Variants in MAGI1 observed in about 807,000 individuals in gnomAD.
The protein encoded by MAGI1 is membrane associated guanylate kinase, WW and PDZ domain containing 1.
Under a neutral mutation model 139.9 loss-of-function variants are expected in MAGI1, and 58 were observed. The observed-to-expected ratio is 0.41, with a 90% confidence interval of 0.34 to 0.52. The LOEUF is 0.52. MAGI1 is among the 20% of genes least tolerant of loss of function. The pLI is 0.12. For synonymous variants in MAGI1, 812 were observed against 737.9 expected (o/e 1.10, Z -1.63); for missense variants, 1,874 against 1,901.6 (o/e 0.99, Z 0.27).
intron 1 of MAGI1, among the ~76,000 whole-genome samples, chr3:65,716,258 C>T (rs932848853): frequency 6.6e-6 from 1 of 152,192 alleles, no homozygotes; most frequent in Non-Finnish European, 1.5e-5. Context: ...GTGTATGCTA[C>T]AGGCCAGCTG....
intron 1 of MAGI1, chr3:65,687,412 T>C (rs2088148842): frequency 5.6e-6 from 2 of 357,872 alleles, no homozygotes; most frequent in Admixed American, 3.4e-5. Context: ...TCTATTTGTG[T>C]GAAATGGCCC....
chr3:65,530,805 A>C (rs2078664618), intron 2 of MAGI1, among the ~76,000 whole-genome samples: 1 of 47,480 alleles, frequency 2.1e-5, no homozygotes, highest in Non-Finnish European at 4.2e-5. Flanking sequence ...ATATATATAT[A>C]CACACATATA....
At chr3:65,468,344 G>C (rs13092151) in intron 5 of MAGI1, among the ~76,000 whole-genome samples, 34,143 of 147,732 alleles carry the variant, frequency 0.23, 4,110 homozygotes, top group Middle Eastern at 0.28. Context: ...ACTCTTCCCG[G>C]GTAGATTCTC....
At chr3:65,796,950 T>A (rs564345456) in intron 1 of MAGI1, among the ~76,000 whole-genome samples, 2 of 152,224 alleles carry the variant, frequency 1.3e-5, no homozygotes, top group Non-Finnish European at 2.9e-5. Context: ...AAATTTCAGG[T>A]ACTTTTCATT....
chr3:65,679,992 T>G (rs976752670), intron 1 of MAGI1, among the ~76,000 whole-genome samples: 9 of 152,212 alleles, frequency 5.9e-5, no homozygotes, highest in Admixed American at 6.5e-5. Flanking sequence ...TTAAGTGGGA[T>G]GAAGGCATAC....
chr3:66,028,273 A>T (rs2068403510), intron 1 of MAGI1, among the ~76,000 whole-genome samples: 1 of 152,210 alleles, frequency 6.6e-6, no homozygotes, highest in South Asian at 2.1e-4. Context: ...AGAAAAGATC[A>T]CAGCTGCTTG....
intron 1 of MAGI1, among the ~76,000 whole-genome samples, chr3:65,623,747 C>G (rs1375549791): frequency 6.6e-6 from 1 of 152,132 alleles, no homozygotes; most frequent in African/African-American, 2.4e-5. Context: ...TTTAATATCA[C>G]ATTCAATATA....
chr3:65,427,404 C>A (rs75457211), intron 12 of MAGI1, among the ~76,000 whole-genome samples: 1,736 of 152,268 alleles, frequency 0.011, 26 homozygotes, highest in African/African-American at 0.035. Context: ...GGTTCTAATA[C>A]ATGTGTAAGT....
intron 1 of MAGI1, among the ~76,000 whole-genome samples, chr3:65,755,856 C>A (rs1160905073): frequency 1.3e-5 from 2 of 152,190 alleles, no homozygotes; most frequent in Non-Finnish European, 2.9e-5. Flanking sequence ...TGTTACCCTG[C>A]AGGCAACCTT....
At chr3:65,623,414 C>T (rs929866522) in intron 1 of MAGI1, among the ~76,000 whole-genome samples, 3 of 152,120 alleles carry the variant, frequency 2.0e-5, no homozygotes, top group Admixed American at 6.5e-5. Flanking sequence ...AAATCATAAT[C>T]ACAAATTACA....
chr3:65,939,467 A>T (rs541000696), intron 1 of MAGI1, among the ~76,000 whole-genome samples: 2 of 152,356 alleles, frequency 1.3e-5, no homozygotes, highest in African/African-American at 4.8e-5. Flanking sequence ...ATCTTAAATT[A>T]CTCATAAACA....
intron 1 of MAGI1, among the ~76,000 whole-genome samples, chr3:65,625,764 C>T (rs2083938317): frequency 1.3e-5 from 2 of 152,112 alleles, no homozygotes; most frequent in East Asian, 3.9e-4. Flanking sequence ...ATTCTATTGG[C>T]TTAGAAATAG....
intron 1 of MAGI1, among the ~76,000 whole-genome samples, chr3:65,944,605 A>G (rs2063469765): frequency 6.6e-6 from 1 of 152,172 alleles, no homozygotes; most frequent in Admixed American, 6.5e-5. Context: ...AGGAAGAGCA[A>G]AAGAGAGAAA....
At chr3:65,693,639 G>A (rs1451405543) in intron 1 of MAGI1, among the ~76,000 whole-genome samples, 2 of 152,164 alleles carry the variant, frequency 1.3e-5, no homozygotes, top group African/African-American at 2.4e-5. Flanking sequence ...GACCAAAGGC[G>A]GCCTGATCCA....
Position 65,381,892 on chromosome 3 carries a change from T to C in MAGI1, c.2686A>G (p.Lys896Glu). The C allele has an allele frequency of 6.2e-7, 1 of 1,612,360 alleles. No individual in the cohort carries two copies. Among genetic ancestry groups the C allele is most frequent in the South Asian group, 1.1e-5 (1 of 90,766 alleles). ...AAATACATACCCGCAAAAACCACTT[T>C]ACGCCGCACCGTGAGATTGACGTGG... ...QGHVNLTVRR[K>E]VVFAVPKTEN... Residue 896 changes from lysine to glutamate, a missense_variant, in exon 16 of 23, where the codon AAA (lysine) becomes GAA (glutamate). By Grantham distance (56) the Lys-to-Glu change is moderately conservative. This residue lies in a region of MAGI1 where 482 missense variants were observed against 509.6 expected (regional missense o/e 0.95). Transcript: ENST00000402939.
intron 1 of MAGI1, among the ~76,000 whole-genome samples, chr3:65,661,891 G>A (rs1245852033): frequency 2.6e-5 from 4 of 151,584 alleles, no homozygotes; most frequent in African/African-American, 9.7e-5. Flanking sequence ...GGGATGACAG[G>A]TGCCCGCCAC....
chr3:65,625,580 T>C (rs528825828), intron 1 of MAGI1, among the ~76,000 whole-genome samples: 22 of 152,240 alleles, frequency 1.4e-4, no homozygotes, highest in Admixed American at 4.6e-4. Context: ...GAGGATTAAA[T>C]GGGATGATAC....
rs1489719652 is a variant in MAGI1 at position 65,605,129 on chromosome 3, T to C, written c.430+16843A>G. ...CTTCAAACATTTATTGTACAAGGGA[T>C]GTCATAACGACCCTTTCAATTTGCA... is the stretch of plus-strand genomic sequence containing the variant. On this transcript the variant is annotated intron_variant, in intron 2 of 22. Transcript: ENST00000402939. Among the ~76,000 whole-genome samples, 2 of 152,208 alleles carry C rather than the reference T, an allele frequency of 1.3e-5. 1 individual carries two copies. The highest frequency in any genetic ancestry group is 1.3e-4 in the Admixed American group (2 of 15,282).
intron 2 of MAGI1, chr3:65,498,985 C>A (rs979929402): frequency 3.0e-5 from 30 of 983,852 alleles, no homozygotes; most frequent in Non-Finnish European, 3.4e-5. Context: ...CAACTTCTAG[C>A]ACTCAAAATA....
Sources: allele counts gnomAD v4.1 joint callset (sites outside exome capture counted in the v4.1 genomes callset), GRCh38; gene constraint gnomAD v4.1.1; regional missense constraint gnomAD v4.1.1; transcripts MANE v1.5; gene names NCBI Gene and HGNC (gene_info 2026-07-23, HGNC 2026-07-21).